THSD7B: variants seen among roughly 807,000 people sequenced by gnomAD.
THSD7B encodes thrombospondin type 1 domain containing 7B, also known as thrombospondin type-1 domain-containing protein 7B.
A neutral mutation model predicts 213.6 loss-of-function variants in THSD7B; 138 were observed. The observed-to-expected ratio is 0.65, with a 90% CI of 0.56 to 0.74. The LOEUF (loss-of-function observed/expected upper bound fraction) is 0.74. Among genes scored for constraint, THSD7B ranks in the 30% least tolerant of loss-of-function variants. The pLI is 0.00. For synonymous variants in THSD7B, 742 were observed against 687.0 expected (o/e 1.08, Z -1.25); for missense variants, 1,931 against 1,991.5 (o/e 0.97, Z 0.58).
At chr2:137,169,315 C>T (rs1275485580) in intron 6 of THSD7B, among the ~76,000 whole-genome samples, 1 of 146,172 alleles carries the variant, frequency 6.8e-6, no homozygotes, top group African/African-American at 2.5e-5. Context: ...TCTAAGTTAA[C>T]CCAGAACCTC....
At chr2:137,452,611 A>G (rs1308936357) in intron 15 of THSD7B, among the ~76,000 whole-genome samples, 1 of 152,166 alleles carries the variant, frequency 6.6e-6, no homozygotes, top group African/African-American at 2.4e-5. Context: ...CCTTTATAAC[A>G]CCAGTGTTAA....
chr2:137,620,833 A>G, intron 20 of THSD7B, 107 bp downstream of exon 20: 1 of 884,788 alleles, frequency 1.1e-6, no homozygotes, highest in Non-Finnish European at 1.8e-6. Flanking sequence ...GCTGAAGTCA[A>G]TATGAAACTG....
chr2:137,341,737 G>A (rs72844307), intron 12 of THSD7B, among the ~76,000 whole-genome samples: 14,070 of 151,424 alleles, frequency 0.093, 788 homozygotes, highest in Non-Finnish European at 0.12. Context: ...TTTTACTATT[G>A]CATATTCTTA....
At chr2:136,908,599 G>A (rs1222881086) in intron 2 of THSD7B, among the ~76,000 whole-genome samples, 1 of 152,160 alleles carries the variant, frequency 6.6e-6, no homozygotes, top group Non-Finnish European at 1.5e-5. Flanking sequence ...CTGTACATCA[G>A]CCATCTAGGA....
intron 12 of THSD7B, among the ~76,000 whole-genome samples, chr2:137,389,192 T>TTATATATATATATATATATATA (rs1685959064): frequency 6.2e-5 from 1 of 16,234 alleles, no homozygotes; most frequent in African/African-American, 1.2e-4. Context: ...CATATATCTG[T>TTATATATATATATATATATATA]CATATATATA....
chr2:137,306,040 A>G (rs983468765), intron 12 of THSD7B, among the ~76,000 whole-genome samples: 1 of 152,166 alleles, frequency 6.6e-6, no homozygotes, highest in Non-Finnish European at 1.5e-5. Context: ...CTTACCATGA[A>G]TGGAATTTGC....
chr2:137,332,687 C>T (rs971456656), intron 12 of THSD7B, among the ~76,000 whole-genome samples: 3 of 152,096 alleles, frequency 2.0e-5, no homozygotes, highest in Admixed American at 6.5e-5. Flanking sequence ...CCAACATGTG[C>T]TGAGAGGGAT....
intron 2 of THSD7B, among the ~76,000 whole-genome samples, chr2:136,944,880 A>G (rs55868034): frequency 0.074 from 11,260 of 152,122 alleles, 675 homozygotes; most frequent in African/African-American, 0.16. Context: ...GGCATTTAGC[A>G]CATTCACATT....
chr2:136,975,385 G>A (rs1685464401), intron 2 of THSD7B, among the ~76,000 whole-genome samples: 1 of 152,132 alleles, frequency 6.6e-6, no homozygotes, highest in Admixed American at 6.6e-5. Context: ...AAGGGGTCTG[G>A]TTTCAATCTT....
At chr2:137,413,762 A>G (rs1047484808) in intron 14 of THSD7B, among the ~76,000 whole-genome samples, 1 of 152,202 alleles carries the variant, frequency 6.6e-6, no homozygotes, top group African/African-American at 2.4e-5. Context: ...GGCAGTCATC[A>G]GCTTGGAAGT....
intron 17 of THSD7B, among the ~76,000 whole-genome samples, chr2:137,594,418 G>A (rs529471525): frequency 2.6e-5 from 4 of 152,090 alleles, no homozygotes; most frequent in African/African-American, 9.6e-5. Flanking sequence ...AAAAATATCT[G>A]AAGGAATCTG....
At chr2:137,206,820 A>G (rs534549752) in intron 7 of THSD7B, among the ~76,000 whole-genome samples, 3 of 152,276 alleles carry the variant, frequency 2.0e-5, no homozygotes, top group South Asian at 4.1e-4. Context: ...GCTTAAATGA[A>G]TGAAAGCAGA....
At chr2:137,387,108 T>C (rs925333452) in intron 12 of THSD7B, among the ~76,000 whole-genome samples, 17 of 152,184 alleles carry the variant, frequency 1.1e-4, no homozygotes, top group Admixed American at 9.8e-4. Flanking sequence ...TGTGTAGCAA[T>C]TAAGAAAAAG....
intron 2 of THSD7B, among the ~76,000 whole-genome samples, chr2:136,916,130 G>T (rs539531783): frequency 1.3e-5 from 2 of 152,176 alleles, no homozygotes; most frequent in South Asian, 4.2e-4. Context: ...TTTGTTTCTT[G>T]TTTTTATTTT....
chr2:137,317,013 T>C (rs957093216), intron 12 of THSD7B, among the ~76,000 whole-genome samples: 1 of 152,176 alleles, frequency 6.6e-6, no homozygotes, highest in Non-Finnish European at 1.5e-5. Context: ...AAGTGTAGAA[T>C]TTAGAGTATA....
intron 17 of THSD7B, among the ~76,000 whole-genome samples, chr2:137,589,519 T>C (rs1375060861): frequency 1.3e-5 from 2 of 152,202 alleles, no homozygotes; most frequent in African/African-American, 4.8e-5. Context: ...TATTTAGGCA[T>C]TGCTATTTTA....
chr2:137,094,082 T>C (rs971446228), intron 3 of THSD7B, among the ~76,000 whole-genome samples: 3 of 152,218 alleles, frequency 2.0e-5, no homozygotes, highest in Non-Finnish European at 2.9e-5. Flanking sequence ...TTCTAGTTTA[T>C]ATTTACCTTT....
At chr2:137,348,768 A>G (rs901426800) in intron 12 of THSD7B, among the ~76,000 whole-genome samples, 1 of 148,958 alleles carries the variant, frequency 6.7e-6, no homozygotes, top group Non-Finnish European at 1.5e-5. Flanking sequence ...GGAGGGCACA[A>G]AAGTTTAACT....
intron 2 of THSD7B, among the ~76,000 whole-genome samples, chr2:136,983,652 A>G (rs1685625909): frequency 6.6e-6 from 1 of 152,334 alleles, no homozygotes; most frequent in Middle Eastern, 3.4e-3. Flanking sequence ...AAAATTGTCT[A>G]AATTCTTAGG....
Sources: allele counts gnomAD v4.1 joint callset (sites outside exome capture counted in the v4.1 genomes callset), GRCh38; gene constraint gnomAD v4.1.1; transcripts MANE v1.5; gene names NCBI Gene and HGNC (gene_info 2026-07-23, HGNC 2026-07-21).